DMAC2L: variants seen among roughly 807,000 people sequenced by gnomAD.
The protein encoded by DMAC2L is ATP synthase subunit s, mitochondrial.
A neutral mutation model predicts 22.5 loss-of-function variants in DMAC2L; 21 were observed. The ratio of observed to expected loss-of-function variants is 0.93; its 90% CI spans 0.66 to 1.34. The LOEUF is 1.34. DMAC2L is among the 40% of genes most tolerant of loss of function. DMAC2L has a pLI of 0.00. For synonymous variants in DMAC2L, 86 were observed against 89.5 expected, an observed-to-expected ratio of 0.96 and a Z score of 0.22; for missense variants, 239 against 246.5, an observed-to-expected ratio of 0.97 and a Z score of 0.20.
chr14:50,318,629 A>T (rs2032010820), intron 2 of DMAC2L, among the ~76,000 whole-genome samples: 2 of 152,238 alleles, frequency 1.3e-5, no homozygotes, highest in South Asian at 4.1e-4. Flanking sequence ...GGAAATGAAT[A>T]AGATGCCATC....
At chr14:50,324,496 A>G (rs2032549879) in intron 5 of DMAC2L, 1 of 153,644 alleles carries the variant, frequency 6.5e-6, no homozygotes, top group Non-Finnish European at 1.4e-5. Flanking sequence ...CTGTGTAATT[A>G]TTTTGCTTGA....
rs192482233 is a variant in DMAC2L at position 50,322,708 on chromosome 14, T to C, written c.305T>C (p.Phe102Ser). ...GACTCTTGTATCATGAGCATTGGAT[T>C]TGATCACATGGGTAACTACCCTATC... ...ATDSCIMSIG[F>S]DHMEGLEHVE... Residue 102 changes from phenylalanine to serine, a missense_variant, in exon 4 of 6, where the codon TTT (phenylalanine) becomes TCT (serine). Physicochemically the swap from Phe to Ser is radical, Grantham distance 155. Transcript: ENST00000557421. 1 of 1,614,226 alleles carries C rather than the reference T, an allele frequency of 6.2e-7. No homozygotes were observed. The highest frequency in any genetic ancestry group is 2.2e-5 in the East Asian group (1 of 44,882).
At chr14:50,324,236 G>T in intron 5 of DMAC2L, 120 bp downstream of exon 5, 1 of 1,063,816 alleles carries the variant, frequency 9.4e-7, no homozygotes, top group Non-Finnish European at 1.3e-6. Context: ...TTTAAAAAAT[G>T]ACCTCACTTT....
chr14:50,312,281 G>T, upstream of DMAC2L: 2 of 1,386,916 alleles, frequency 1.4e-6, no homozygotes, highest in South Asian at 1.3e-5. Context: ...CCCCATGTGG[G>T]AGAGGCTGCG....
chr14:50,325,622 T>A lies in DMAC2L; in HGVS notation c.502T>A (p.Leu168Met). The A allele has an allele frequency of 6.2e-7, 1 of 1,608,298 alleles. No individual in the cohort carries two copies. Among genetic ancestry groups the A allele is most frequent in the South Asian group, 1.1e-5 (1 of 89,858 alleles). The change falls in exon 6 of 6, where the codon TTG becomes ATG. Residue 168 changes from leucine to methionine, a missense_variant. Coordinates refer to ENST00000557421, the MANE Select transcript of DMAC2L (RefSeq NM_001382507.1). The stretch of plus-strand genomic sequence containing the variant: ...CTTTATTTGCAGAAACCTCAAATAT[T>A]TGTTGTTAAGTGATCTTCCTGGAGT... ...ALRHLRNLKY[L>M]LLSDLPGVRE... is the part of the protein sequence containing the mutation.
upstream of DMAC2L, chr14:50,311,924 A>C: frequency 6.6e-7 from 1 of 1,513,406 alleles, no homozygotes; most frequent in Non-Finnish European, 8.9e-7. Flanking sequence ...CGGGACAGGG[A>C]AATACGAACA....
upstream of DMAC2L, chr14:50,312,093 C>A (rs1269324945): frequency 6.2e-7 from 1 of 1,607,248 alleles, no homozygotes. Context: ...GAGCCACCGG[C>A]GAAAAGCCCG....
chr14:50,318,904 G>T, intron 2 of DMAC2L: 1 of 406,360 alleles, frequency 2.5e-6, no homozygotes, highest in South Asian at 1.0e-4. Flanking sequence ...TATGAGGTCA[G>T]GAACCTTGTC....
chr14:50,312,263 C>A (rs1209533806), upstream of DMAC2L: 32 of 1,473,282 alleles, frequency 2.2e-5, no homozygotes, highest in Admixed American at 6.3e-4. Context: ...TGAAGTGGCG[C>A]GCCTTCGCCC....
chr14:50,312,356 C>A lies in DMAC2L; in HGVS notation c.-75C>A. 1 of 669,748 alleles carries A rather than the reference C, an allele frequency of 1.5e-6. No homozygotes were observed. The highest frequency in any genetic ancestry group is 2.5e-6 in the Non-Finnish European group (1 of 398,370). The allele number at this position is 669,748 out of a possible 1,614,324, so 41.5% of individuals were successfully genotyped here. A position where few individuals can be genotyped will look rare whatever the true frequency, so the allele number is the denominator to read the frequency against. On this transcript the variant is annotated 5_prime_UTR_variant, in exon 1 of 6. In the 5' UTR this introduces an upstream ATG that the reference lacks. Coordinates refer to ENST00000557421, the MANE Select transcript of DMAC2L (RefSeq NM_001382507.1). ...CCAGGGTGCCGCAGACGCGGGGACGCTGGCTCGCTCCCTCCCTCCCTCCCT... is the reference window on the plus strand; with the variant it reads ...CCAGGGTGCCGCAGACGCGGGGACGATGGCTCGCTCCCTCCCTCCCTCCCT...
chr14:50,318,646 C>A (rs533032809), intron 2 of DMAC2L, among the ~76,000 whole-genome samples: 1 of 152,170 alleles, frequency 6.6e-6, no homozygotes, highest in African/African-American at 2.4e-5. Flanking sequence ...CATCCTTGTT[C>A]TTTTACTTTG....
chr14:50,312,267 T>A, upstream of DMAC2L: 14 of 1,463,066 alleles, frequency 9.6e-6, no homozygotes, highest in Non-Finnish European at 1.3e-5. Context: ...GTGGCGCGCC[T>A]TCGCCCCATG....
chr14:50,324,890 C>G (rs1298920631), intron 5 of DMAC2L, among the ~76,000 whole-genome samples: 1 of 152,160 alleles, frequency 6.6e-6, no homozygotes, highest in Admixed American at 6.5e-5. Context: ...ATTCTCCTGC[C>G]TCAGCCTCCT....
At chr14:50,317,540 G>A (rs552207268) in intron 2 of DMAC2L, among the ~76,000 whole-genome samples, 8 of 152,144 alleles carry the variant, frequency 5.3e-5, no homozygotes, top group Non-Finnish European at 7.4e-5. Context: ...AGGCCAAGGC[G>A]GGTGGATCAC....
chr14:50,325,654 A>G lies in DMAC2L; in HGVS notation c.534A>G (p.Glu178=). The change falls in exon 6 of 6, where the codon GAA becomes GAG. Residue 178 remains glutamate (E), a synonymous_variant. Transcript: ENST00000557421. ...TAAGTGATCTTCCTGGAGTAAGAGA[A>G]AAAGAAAATCTTGTCCAAGCCTTTA... ...LLLSDLPGVR[E]KENLVQAFKT... The G allele has an allele frequency of 1.2e-6, 2 of 1,613,044 alleles. No individual in the cohort carries two copies.
At chr14:50,311,737 T>A (rs1319509240), upstream of DMAC2L, among the ~76,000 whole-genome samples, 1 of 152,172 alleles carries the variant, frequency 6.6e-6, no homozygotes, top group African/African-American at 2.4e-5. Flanking sequence ...GGAGGTTAAG[T>A]AACTAGCCCA....
At chr14:50,314,856 G>A (rs2031627680) in intron 2 of DMAC2L, among the ~76,000 whole-genome samples, 3 of 152,008 alleles carry the variant, frequency 2.0e-5, no homozygotes. Context: ...TGACCGGGCT[G>A]GTCTTGAACT....
chr14:50,322,495 T>A lies in DMAC2L; in HGVS notation c.108-16T>A. On this transcript the variant is annotated splice_polypyrimidine_tract_variant and intron_variant, in intron 3 of 5. Coordinates refer to ENST00000557421, the MANE Select transcript of DMAC2L (RefSeq NM_001382507.1). ...ATTATTGTAAAAGCAAACTGCTTTT[T>A]TTCTCTTGCCAACAGGGTGGATTAT... 1 of 1,580,682 alleles carries A rather than the reference T, an allele frequency of 6.3e-7. No individual in the cohort carries two copies. The highest frequency in any genetic ancestry group is 1.1e-5 in the South Asian group (1 of 88,122).
At chr14:50,325,363 T>C (rs2032642242) in intron 5 of DMAC2L, among the ~76,000 whole-genome samples, 1 of 152,230 alleles carries the variant, frequency 6.6e-6, no homozygotes, top group African/African-American at 2.4e-5. Context: ...ATGCAAAGAA[T>C]ATCTACATCA....
Sources: allele counts gnomAD v4.1 joint callset (sites outside exome capture counted in the v4.1 genomes callset), GRCh38; gene constraint gnomAD v4.1.1; transcripts MANE v1.5; gene names NCBI Gene and HGNC (gene_info 2026-07-23, HGNC 2026-07-21).